Variants in AHRR observed in about 807,000 individuals in gnomAD.
AHRR encodes the protein ahR repressor.
In AHRR, 28 loss-of-function variants were observed where a neutral mutation model predicts 44.0. The ratio of observed to expected loss-of-function variants is 0.64; its 90% confidence interval spans 0.47 to 0.87. The LOEUF (loss-of-function observed/expected upper bound fraction) is 0.87. Ranked by LOEUF, AHRR falls within the 40% of genes least tolerant of loss-of-function variation. AHRR has a pLI of 0.00. For missense variants in AHRR, 990 were observed against 953.9 expected (o/e 1.04, Z -0.50); for synonymous variants, 434 against 407.0 (o/e 1.07, Z -0.80).
Position 353,897 on chromosome 5 carries a change from A to G in AHRR, c.230A>G (p.Lys77Arg). The G allele has an allele frequency of 6.2e-7, 1 of 1,613,362 alleles. No homozygotes were observed. The highest frequency in any genetic ancestry group is 1.7e-5 in the Admixed American group (1 of 59,964). ...CTCAGTGTCAGTTACCTCCGGGTGA[A>G]GAGCTTCTTCCAAGGTAGGACTCTC... ...LRLSVSYLRV[K>R]SFFQVVQEQS... The change falls in exon 3 of 11, where the codon AAG becomes AGG. Residue 77 changes from lysine (K) to arginine (R), a missense_variant. Transcript: ENST00000684583.
At chr5:335,172 C>T (rs1742074733) in intron 1 of AHRR, among the ~76,000 whole-genome samples, 1 of 152,096 alleles carries the variant, frequency 6.6e-6, no homozygotes, top group South Asian at 2.1e-4. Flanking sequence ...GATTCTTGGG[C>T]CTCTGGGTGG....
intron 1 of AHRR, among the ~76,000 whole-genome samples, chr5:327,228 A>AT (rs1365045959): frequency 6.6e-6 from 1 of 152,158 alleles, no homozygotes; most frequent in Non-Finnish European, 1.5e-5. Flanking sequence ...TCCTTTGCCC[A>AT]TTTTTTAAAT....
Position 434,347 on chromosome 5 carries a change from A to T in AHRR, c.1607A>T (p.Glu536Val). 1 of 1,613,154 alleles carries T rather than the reference A, an allele frequency of 6.2e-7. No individual in the cohort carries two copies. Among genetic ancestry groups the T allele is most frequent in the East Asian group, 2.2e-5 (1 of 44,866 alleles). ...CTGCTAGATGTGTCCATCAAGATGGAGAAGGACTCTGGGTGTGAGGGTGCT... is the reference window on the plus strand; with the variant it reads ...CTGCTAGATGTGTCCATCAAGATGGTGAAGGACTCTGGGTGTGAGGGTGCT... ...TLLLDVSIKM[E>V]KDSGCEGAAD... The change falls in exon 11 of 11, where the codon GAG (glutamate) becomes GTG (valine). Residue 536 changes from glutamate to valine, a missense_variant. Glu to Val is a moderately radical substitution (Grantham distance 121). Transcript: ENST00000684583.
intron 4 of AHRR, among the ~76,000 whole-genome samples, chr5:400,990 C>T (rs1418599210): frequency 6.6e-6 from 1 of 152,168 alleles, no homozygotes; most frequent in Non-Finnish European, 1.5e-5. Flanking sequence ...GACCCGAGGC[C>T]CTGGTGCACA....
At chr5:408,382 CT>C (rs34389831) in intron 4 of AHRR, among the ~76,000 whole-genome samples, 54 of 145,730 alleles carry the variant, frequency 3.7e-4, no homozygotes, top group East Asian at 6.0e-4. Flanking sequence ...TTTCCTGAGC[CT>C]TTTTTTTTTT....
At chr5:426,248 AGATGGATGGATG>A (rs750723893) in intron 7 of AHRR, among the ~76,000 whole-genome samples, 2 of 152,096 alleles carry the variant, frequency 1.3e-5, no homozygotes, top group African/African-American at 2.4e-5. Context: ...ATAGATGGGA[AGATGGATGGATG>A]GATGGATGGA....
At position 404,789 on chromosome 5, in the gene AHRR, G is replaced by A. The variant is rs193299147; in HGVS notation, c.352-8555G>A. Reference sequence around the variant, plus strand: ...ATGAGAAGGTGTTATGTTTTTAGGTGAAAATCGGAGGTGGCGCAGGACATG... The same window carrying A: ...ATGAGAAGGTGTTATGTTTTTAGGTAAAAATCGGAGGTGGCGCAGGACATG... On this transcript the variant is annotated intron_variant, in intron 4 of 10. Transcript: ENST00000684583. This position sits in a 1 kb window ranked among gnomAD's most constrained non-coding sequence, Gnocchi z 4.1. 6.6e-6 allele frequency among the ~76,000 whole-genome samples: 1 copy of A among 152,264 alleles called. No individual in the cohort carries two copies. Among genetic ancestry groups the A allele is most frequent in the African/African-American group, 2.4e-5 (1 of 41,548 alleles).
At chr5:399,563 C>A (rs548107774) in intron 4 of AHRR, among the ~76,000 whole-genome samples, 1 of 152,234 alleles carries the variant, frequency 6.6e-6, no homozygotes, top group South Asian at 2.1e-4. Flanking sequence ...TGCTCACCGC[C>A]GCCCTCACAG....
intron 2 of AHRR, among the ~76,000 whole-genome samples, chr5:353,398 C>T (rs892965697): frequency 2.0e-5 from 3 of 152,314 alleles, no homozygotes; most frequent in Middle Eastern, 3.4e-3. Flanking sequence ...CTCCTCCCTC[C>T]TCAGGGATCC....
chr5:355,474 T>C (rs1358105580), intron 3 of AHRR, among the ~76,000 whole-genome samples: 3 of 152,192 alleles, frequency 2.0e-5, no homozygotes, highest in Non-Finnish European at 4.4e-5. Context: ...TGTCCCGAGC[T>C]GAAGACCTGT....
intron 1 of AHRR, among the ~76,000 whole-genome samples, chr5:327,866 G>A (rs1018735983): frequency 2.3e-4 from 35 of 152,134 alleles, no homozygotes; most frequent in Non-Finnish European, 4.7e-4. Context: ...CATGTGCCAT[G>A]TTGGTGTGCT....
At chr5:427,473 G>A (rs1371226963) in intron 7 of AHRR, among the ~76,000 whole-genome samples, 1 of 152,244 alleles carries the variant, frequency 6.6e-6, no homozygotes, top group Non-Finnish European at 1.5e-5. Flanking sequence ...TGGGCAGGTG[G>A]CAGGTCCCAC....
intron 4 of AHRR, among the ~76,000 whole-genome samples, chr5:399,414 G>T (rs1734914467): frequency 1.3e-5 from 2 of 152,334 alleles, no homozygotes; most frequent in African/African-American, 4.8e-5. Context: ...GCGGGTCCTG[G>T]TTTTAAAAGC....
At chr5:425,884 C>T (rs148782478) in intron 7 of AHRR, among the ~76,000 whole-genome samples, 470 of 152,346 alleles carry the variant, frequency 3.1e-3, no homozygotes, top group South Asian at 8.1e-3. Flanking sequence ...CAGGACCTCA[C>T]GGCTCTTCCC....
intron 3 of AHRR, among the ~76,000 whole-genome samples, chr5:366,655 C>T (rs755351793): frequency 2.6e-4 from 39 of 152,146 alleles, no homozygotes; most frequent in Non-Finnish European, 4.9e-4. Context: ...ATTATGAAGC[C>T]GAAAAGCCCA....
chr5:421,391 C>T (rs924899477), intron 5 of AHRR: 2 of 591,592 alleles, frequency 3.4e-6, no homozygotes, highest in Non-Finnish European at 6.1e-6. Context: ...AGCCCCCACA[C>T]GGAGGGCGGC....
chr5:434,733 T>C lies in AHRR; in HGVS notation c.1993T>C (p.Trp665Arg), dbSNP rs1235687328. The change falls in exon 11 of 11, where the codon TGG (tryptophan) becomes CGG (arginine). Residue 665 changes from tryptophan (W) to arginine (R), a missense_variant. Transcript: ENST00000684583. The stretch of plus-strand genomic sequence containing the variant: ...GCGGGAGCCCTTGGACTCACCCCAG[T>C]GGGCTACTCACAGCCAGGGAATGGT... ...VKREPLDSPQ[W>R]ATHSQGMVPG... 2.5e-6 allele frequency: 4 copies of C among 1,570,698 alleles called. No homozygotes were observed. The highest frequency in any genetic ancestry group is 2.4e-5 in the East Asian group (1 of 42,416).
In AHRR at chr5:326,283, C is replaced by G. The variant is rs1246381449; in HGVS notation, c.-11+4464C>G. Among the ~76,000 whole-genome samples, 1 of 152,216 alleles carries G rather than the reference C, an allele frequency of 6.6e-6. No homozygotes were observed. The highest frequency in any genetic ancestry group is 1.5e-5 in the Non-Finnish European group (1 of 68,044). ...GTCCCTGCTCCCAGGTCCTGGCCAC[C>G]ACGAACCTTTTTATCTGAGTTTGCC... On this transcript the variant is annotated intron_variant, in intron 1 of 10. Transcript: ENST00000684583. This position sits in a 1 kb window ranked among gnomAD's most constrained non-coding sequence, Gnocchi z 4.1.
rs1013920472 is a variant in AHRR, at chr5:370,522, G to A, written c.245-6088G>A. 2.2e-4 allele frequency among the ~76,000 whole-genome samples: 33 copies of A among 152,116 alleles called. No individual in the cohort carries two copies. The highest frequency in any genetic ancestry group is 2.0e-3 in the Admixed American group (31 of 15,276). On this transcript the variant is annotated intron_variant, in intron 3 of 10. Transcript: ENST00000684583. This position sits in a 1 kb window ranked among gnomAD's most constrained non-coding sequence, Gnocchi z 4.5. ...AGGGAAATTTTCACCAAGGTCATCCGCCACCCCCAGGACCCTGAGAGTCTC... is the reference window on the plus strand; with the variant it reads ...AGGGAAATTTTCACCAAGGTCATCCACCACCCCCAGGACCCTGAGAGTCTC...
Sources: allele counts gnomAD v4.1 joint callset (sites outside exome capture counted in the v4.1 genomes callset), GRCh38; gene constraint gnomAD v4.1.1; non-coding constraint Gnocchi (gnomAD v3.1); transcripts MANE v1.5; gene names NCBI Gene and HGNC (gene_info 2026-07-23, HGNC 2026-07-21).